The following LPP variants were observed in gnomAD, a reference collection of about 807,000 sequenced individuals.
LPP encodes LIM domain containing preferred translocation partner in lipoma, also known as lipoma-preferred partner.
Under a neutral mutation model 60.4 loss-of-function variants are expected in LPP, and 38 were observed. The ratio of observed to expected loss-of-function variants is 0.63; its 90% CI spans 0.49 to 0.83. LPP has a LOEUF of 0.83. Among genes scored for constraint, LPP ranks in the 40% least tolerant of loss-of-function variants. LPP has a pLI of 0.00. For missense variants in LPP, 902 were observed against 783.6 expected (o/e 1.15, Z -1.80); for synonymous variants, 328 against 290.8 (o/e 1.13, Z -1.30).
chr3:188,440,311 T>G (rs1368350891), intron 4 of LPP, among the ~76,000 whole-genome samples: 2 of 152,212 alleles, frequency 1.3e-5, no homozygotes, highest in African/African-American at 2.4e-5. Context: ...TAACCATTTC[T>G]ACTTCCTAGG....
At chr3:188,518,130 T>C (rs899887248) in intron 5 of LPP, among the ~76,000 whole-genome samples, 1 of 152,138 alleles carries the variant, frequency 6.6e-6, no homozygotes, top group Non-Finnish European at 1.5e-5. Context: ...CTTCTCTTTA[T>C]AAATTACCCA....
intron 1 of LPP, among the ~76,000 whole-genome samples, chr3:188,201,676 C>T (rs2149092847): frequency 6.6e-6 from 1 of 152,254 alleles, no homozygotes; most frequent in South Asian, 2.1e-4. Flanking sequence ...CACTGCACTC[C>T]AGCCTGGGTG....
intron 2 of LPP, among the ~76,000 whole-genome samples, chr3:188,299,105 G>A (rs1748885021): frequency 6.6e-6 from 1 of 152,212 alleles, no homozygotes; most frequent in South Asian, 2.1e-4. Context: ...ACCCAGAGCA[G>A]ACAGACGGGT....
chr3:188,299,322 T>C lies in LPP; in HGVS notation c.-66-42341T>C, dbSNP rs1015893794. Among the ~76,000 whole-genome samples, 7 of 152,308 alleles carry C rather than the reference T, an allele frequency of 4.6e-5. No individual in the cohort carries two copies. The South Asian group carries it at 6.2e-4, about 14-fold the overall frequency. ...AATTCTAATGGAAAAACCTGTCTGA[T>C]CAATGGGACAGGAAAGCGTCACAGC... On this transcript the variant is annotated intron_variant, in intron 2 of 11. Coordinates refer to ENST00000617246, the MANE Select transcript of LPP (RefSeq NM_001375462.1).
intron 4 of LPP, among the ~76,000 whole-genome samples, chr3:188,470,918 T>G (rs1373021415): frequency 6.6e-6 from 1 of 152,172 alleles, no homozygotes; most frequent in Non-Finnish European, 1.5e-5. Context: ...TTCCAGAGTT[T>G]GTTGACAAAC....
At chr3:188,285,061 G>A (rs868491052) in intron 2 of LPP, among the ~76,000 whole-genome samples, 35 of 152,242 alleles carry the variant, frequency 2.3e-4, no homozygotes, top group African/African-American at 7.2e-4. Context: ...TGAGGTCAGG[G>A]GCCCTGGTTG....
At chr3:188,494,548 C>A (rs574401992) in intron 5 of LPP, among the ~76,000 whole-genome samples, 1 of 152,078 alleles carries the variant, frequency 6.6e-6, no homozygotes, top group Admixed American at 6.6e-5. Flanking sequence ...CTTGCCCCAC[C>A]CCTCACCCTT....
intron 2 of LPP, among the ~76,000 whole-genome samples, chr3:188,250,574 A>G (rs1057431652): frequency 7.9e-5 from 12 of 152,158 alleles, no homozygotes; most frequent in African/African-American, 2.4e-4. Context: ...AGCATTTACT[A>G]TGATTGGTGC....
chr3:188,509,873 G>GTTGTTT (rs1814884490), intron 5 of LPP, among the ~76,000 whole-genome samples: 1 of 111,044 alleles, frequency 9.0e-6, no homozygotes, highest in African/African-American at 3.6e-5. Context: ...TTTTTTTGTT[G>GTTGTTT]TTTTTTTTTT....
chr3:188,236,389 A>T (rs996795738), intron 2 of LPP, among the ~76,000 whole-genome samples: 3 of 152,156 alleles, frequency 2.0e-5, no homozygotes, highest in African/African-American at 7.2e-5. Context: ...CTGGAGGAAG[A>T]GTGTGTAGAA....
chr3:188,436,481 T>A (rs893599619), intron 4 of LPP, among the ~76,000 whole-genome samples: 1 of 152,184 alleles, frequency 6.6e-6, no homozygotes, highest in Non-Finnish European at 1.5e-5. Flanking sequence ...GAGAAACATG[T>A]TTGCATTTCG....
intron 6 of LPP, chr3:188,562,393 A>G (rs1277199052): frequency 6.6e-6 from 1 of 152,060 alleles, no homozygotes; most frequent in African/African-American, 2.4e-5. Context: ...ATGCTCAGTA[A>G]TAGATCCTTA....
intron 2 of LPP, among the ~76,000 whole-genome samples, chr3:188,281,107 A>C (rs1253070137): frequency 6.6e-6 from 1 of 152,078 alleles, no homozygotes. Context: ...AGACAAAATG[A>C]AATAATGCAT....
chr3:188,294,447 T>C (rs1462089239), intron 2 of LPP, among the ~76,000 whole-genome samples: 1 of 152,226 alleles, frequency 6.6e-6, no homozygotes, highest in African/African-American at 2.4e-5. Context: ...TTTAAACTCA[T>C]ATTGATTTGT....
chr3:188,456,502 A>T (rs2149392360), intron 4 of LPP, among the ~76,000 whole-genome samples: 1 of 152,356 alleles, frequency 6.6e-6, no homozygotes, highest in Admixed American at 6.5e-5. Flanking sequence ...GCAGAGGCTT[A>T]GTGTGGGAGA....
chr3:188,745,505 A>ACTG (rs1357704035), intron 8 of LPP, among the ~76,000 whole-genome samples: 2 of 152,156 alleles, frequency 1.3e-5, no homozygotes, highest in African/African-American at 4.8e-5. Context: ...CTTCTGTCTT[A>ACTG]CTGCTCTGTC....
intron 7 of LPP, among the ~76,000 whole-genome samples, chr3:188,629,817 C>A (rs1053183544): frequency 1.3e-5 from 2 of 152,032 alleles, no homozygotes; most frequent in Non-Finnish European, 2.9e-5. Context: ...CATCACAGTA[C>A]CTGACTTCAA....
At chr3:188,324,561 G>A (rs907428641) in intron 2 of LPP, among the ~76,000 whole-genome samples, 1 of 152,188 alleles carries the variant, frequency 6.6e-6, no homozygotes, top group African/African-American at 2.4e-5. Context: ...TGCTTGGCCA[G>A]TGCGTGTTTG....
chr3:188,551,500 G>A (rs114062987), intron 6 of LPP, among the ~76,000 whole-genome samples: 2,115 of 152,146 alleles, frequency 0.014, 25 homozygotes, highest in South Asian at 0.049. Context: ...TTAATATTTT[G>A]GATTCTTATC....
Sources: gnomAD v4.1 joint callset for allele counts (sites outside exome capture counted in the v4.1 genomes callset) on GRCh38, gnomAD v4.1.1 for gene constraint, MANE v1.5 for transcripts, NCBI Gene and HGNC (gene_info 2026-07-23, HGNC 2026-07-21) for gene names.